The following ANKRD30B variants were observed in gnomAD, a reference collection of about 807,000 sequenced individuals.
The protein encoded by ANKRD30B is ankyrin repeat domain-containing protein 30B.
A neutral mutation model predicts 202.2 loss-of-function variants in ANKRD30B; 144 were observed. The observed-to-expected ratio is 0.71, with a 90% CI of 0.62 to 0.82. ANKRD30B has a LOEUF of 0.82. Ranked by LOEUF, ANKRD30B falls within the 40% of genes least tolerant of loss-of-function variation. The pLI is 0.00. For synonymous variants in ANKRD30B, 508 were observed against 561.3 expected, an observed-to-expected ratio of 0.91 and a Z score of 1.34; for missense variants, 1,487 against 1,669.1, an observed-to-expected ratio of 0.89 and a Z score of 1.90.
At chr18:14,892,292 A>G in the ANKRD30B span, among the ~76,000 whole-genome samples, 2 of 152,254 alleles carry the variant, frequency 1.3e-5, no homozygotes, top group African/African-American at 4.8e-5. Flanking sequence ...TGTAAAACAT[A>G]AATGTTGACT....
the ANKRD30B span, among the ~76,000 whole-genome samples, chr18:14,931,542 G>C: frequency 1.3e-5 from 2 of 152,166 alleles, no homozygotes; most frequent in Non-Finnish European, 2.9e-5. Flanking sequence ...CTTAGCTCTA[G>C]CAGTGTAAGG....
At chr18:14,909,749 T>C in the ANKRD30B span, 1 of 152,208 alleles carries the variant, frequency 6.6e-6, no homozygotes, top group Admixed American at 6.5e-5. Context: ...ATGAATTCTC[T>C]TAATTTTGCA....
chr18:14,934,929 C>CAT, the ANKRD30B span, among the ~76,000 whole-genome samples: 1 of 151,000 alleles, frequency 6.6e-6, no homozygotes, highest in Non-Finnish European at 1.5e-5. Flanking sequence ...CACACACACA[C>CAT]ACACACACAC....
intron 7 of ANKRD30B, 107 bp from the exon 8 acceptor site, chr18:14,769,236 A>T (rs1260284801): frequency 1.2e-6 from 1 of 823,160 alleles, no homozygotes; most frequent in Non-Finnish European, 1.9e-6. Context: ...CTTCCCAAGT[A>T]GCTGGGATTA....
the ANKRD30B span, among the ~76,000 whole-genome samples, chr18:14,934,316 C>T: frequency 1.3e-5 from 2 of 152,186 alleles, no homozygotes; most frequent in African/African-American, 2.4e-5. Context: ...GAGGCAGGCC[C>T]GAGGGGAGCT....
Position 14,796,234 on chromosome 18 carries a change from A to G in ANKRD30B, c.1839A>G (p.Lys613=). ...CTTTACGTTTAGAGTCTCCTGTTAA[A>G]GATGGTCTTCTGAAGGTAATAACTT... ...LSGKLEESPV[K]DGLLKPTCGR... is the part of the protein sequence containing the mutation. The change falls in exon 17 of 44, where the codon AAA becomes AAG. Residue 613 remains lysine (K), a synonymous_variant. Coordinates refer to ENST00000690538, the MANE Select transcript of ANKRD30B (RefSeq NM_001367607.2). The G allele has an allele frequency of 6.2e-7, 1 of 1,601,926 alleles. No individual in the cohort carries two copies. The highest frequency in any genetic ancestry group is 8.6e-7 in the Non-Finnish European group (1 of 1,169,362).
the ANKRD30B span, chr18:14,890,127 G>A: frequency 1.0e-5 from 9 of 878,066 alleles, no homozygotes; most frequent in Admixed American, 1.8e-5. Context: ...TCAGGTATTC[G>A]TTCAGCTTTG....
At chr18:14,875,425 TCAG>T in the ANKRD30B span, among the ~76,000 whole-genome samples, 1 of 152,106 alleles carries the variant, frequency 6.6e-6, no homozygotes, top group South Asian at 2.1e-4. Context: ...CAGGCCATGT[TCAG>T]AAAGTGAAGG....
At chr18:14,894,552 G>A in the ANKRD30B span, among the ~76,000 whole-genome samples, 1 of 151,764 alleles carries the variant, frequency 6.6e-6, no homozygotes, top group Non-Finnish European at 1.5e-5. Context: ...TTTTCAAGTT[G>A]CAAAAAAAAG....
intron 26 of ANKRD30B, 99 bp downstream of exon 26, chr18:14,808,843 T>C (rs1878682870): frequency 8.3e-7 from 1 of 1,208,446 alleles, no homozygotes; most frequent in African/African-American, 1.6e-5. Flanking sequence ...CTTTAGAAAA[T>C]TTGGTGGGAA....
the ANKRD30B span, among the ~76,000 whole-genome samples, chr18:14,938,371 C>A: frequency 1.3e-5 from 2 of 152,186 alleles, no homozygotes; most frequent in Non-Finnish European, 2.9e-5. Flanking sequence ...TGAAATGCTC[C>A]CACGCTTGCC....
the ANKRD30B span, among the ~76,000 whole-genome samples, chr18:14,938,293 A>G: frequency 1.3e-5 from 2 of 152,230 alleles, no homozygotes; most frequent in Admixed American, 6.5e-5. Flanking sequence ...TAGAAAATTT[A>G]AAAAGTGGCT....
At chr18:14,790,858 T>C (rs1230771701) in intron 15 of ANKRD30B, among the ~76,000 whole-genome samples, 1 of 152,040 alleles carries the variant, frequency 6.6e-6, no homozygotes, top group African/African-American at 2.4e-5. Flanking sequence ...TCTCTTTTTT[T>C]TGTTGTGTCT....
At chr18:14,855,424 G>C (rs8098298), downstream of ANKRD30B, among the ~76,000 whole-genome samples, 2,007 of 152,306 alleles carry the variant, frequency 0.013, 50 homozygotes, top group African/African-American at 0.046. Flanking sequence ...CTGTCTCTTC[G>C]AAGCTGTTGG....
In ANKRD30B at chr18:14,754,479, T is replaced by A. The variant is rs1391698331; in HGVS notation, c.511-420T>A. On this transcript the variant is annotated intron_variant, in intron 3 of 43. Coordinates refer to ENST00000690538, the MANE Select transcript of ANKRD30B (RefSeq NM_001367607.2). The stretch of plus-strand genomic sequence containing the variant: ...TTGGGGTACAGTGCTTCTGGTAAGG[T>A]AATTATTCTTTGGAATATAGTTTAA... Among the ~76,000 whole-genome samples, 3 of 152,252 alleles carry A rather than the reference T, an allele frequency of 2.0e-5. No homozygotes were observed. In the East Asian group the frequency reaches 5.8e-4, roughly 29 times the overall value.
intron 33 of ANKRD30B, chr18:14,830,337 T>C (rs1970853826): frequency 6.6e-6 from 1 of 152,484 alleles, no homozygotes; most frequent in Admixed American, 6.5e-5. Flanking sequence ...TTTAAGGCTT[T>C]GCTAGTTTAT....
At position 14,765,477 on chromosome 18, in the gene ANKRD30B, A is replaced by G. The variant is rs1915975836; in HGVS notation, c.1225+1387A>G. 2.6e-5 allele frequency among the ~76,000 whole-genome samples: 4 copies of G among 152,022 alleles called. No individual in the cohort carries two copies. The South Asian group carries it at 8.3e-4, about 31-fold the overall frequency. On this transcript the variant is annotated intron_variant, in intron 7 of 43. Transcript: ENST00000690538. ...CACTCCATCTGAAAAAAAAAAAAGA[A>G]AAAGAAAAAGAAAAAGAAATATGTT...
At chr18:14,752,755 A>G in intron 2 of ANKRD30B, 75 bp downstream of exon 2, 1 of 1,539,282 alleles carries the variant, frequency 6.5e-7, no homozygotes, top group East Asian at 2.4e-5. Context: ...ATTTAGTTGA[A>G]ATACAACTAG....
At chr18:14,793,315 T>C (rs1439044974) in intron 16 of ANKRD30B, among the ~76,000 whole-genome samples, 1 of 152,178 alleles carries the variant, frequency 6.6e-6, no homozygotes, top group Non-Finnish European at 1.5e-5. Context: ...TGACAGGACA[T>C]ATTAAAGAAC....
Sources: gnomAD v4.1 joint callset for allele counts (sites outside exome capture counted in the v4.1 genomes callset) on GRCh38, gnomAD v4.1.1 for gene constraint, MANE v1.5 for transcripts, NCBI Gene and HGNC (gene_info 2026-07-23, HGNC 2026-07-21) for gene names.